NR3C2: variants seen among roughly 807,000 people sequenced by gnomAD.
NR3C2 encodes the protein mineralocorticoid receptor.
NR3C2 carries 15 observed loss-of-function variants against 86.4 expected under a neutral mutation model. That is an observed-to-expected ratio of 0.17 (90% confidence interval 0.12 to 0.27). The LOEUF (loss-of-function observed/expected upper bound fraction) is 0.27, where lower values mean the gene tolerates loss of function less well. Ranked by LOEUF, NR3C2 falls within the 10% of genes least tolerant of loss-of-function variation. NR3C2 has a pLI of 1.00. For synonymous variants in NR3C2, 458 were observed against 450.5 expected (o/e 1.02, Z -0.21); for missense variants, 960 against 1,195.6 (o/e 0.80, Z 2.91).
intron 2 of NR3C2, among the ~76,000 whole-genome samples, chr4:148,404,676 C>T (rs536694012): frequency 6.6e-6 from 1 of 151,688 alleles, no homozygotes; most frequent in Non-Finnish European, 1.5e-5. Flanking sequence ...TTTTTGGAAG[C>T]AAAATGATAA....
intron 2 of NR3C2, among the ~76,000 whole-genome samples, chr4:148,390,695 C>T (rs1747501222): frequency 6.6e-6 from 1 of 152,116 alleles, no homozygotes; most frequent in South Asian, 2.1e-4. Flanking sequence ...TGATTTGTTG[C>T]ATAAAATGAA....
At chr4:148,208,650 A>ATGTCCTAC (rs1222386820) in intron 3 of NR3C2, 1 of 152,202 alleles carries the variant, frequency 6.6e-6, no homozygotes, top group Non-Finnish European at 1.5e-5. Flanking sequence ...GACTCTCATG[A>ATGTCCTAC]TGTCCTACTC....
At chr4:148,100,276 G>A (rs1731477183) in intron 8 of NR3C2, among the ~76,000 whole-genome samples, 1 of 152,092 alleles carries the variant, frequency 6.6e-6, no homozygotes, top group South Asian at 2.1e-4. Context: ...AACAAACGAA[G>A]TGAAAACAAA....
At chr4:148,266,864 G>T (rs1019801546) in intron 2 of NR3C2, among the ~76,000 whole-genome samples, 5 of 152,198 alleles carry the variant, frequency 3.3e-5, no homozygotes, top group African/African-American at 4.8e-5. Flanking sequence ...CTAATTCAGA[G>T]AAATTTTTTT....
At chr4:148,161,650 C>A (rs921134056) in intron 4 of NR3C2, among the ~76,000 whole-genome samples, 1 of 152,148 alleles carries the variant, frequency 6.6e-6, no homozygotes, top group African/African-American at 2.4e-5. Context: ...AAGCTATCCA[C>A]AGATACCTGC....
intron 3 of NR3C2, among the ~76,000 whole-genome samples, chr4:148,216,524 C>A (rs1280930509): frequency 6.6e-6 from 1 of 152,156 alleles, no homozygotes; most frequent in Non-Finnish European, 1.5e-5. Flanking sequence ...CAGGCTCTGG[C>A]ACCCTTGCTA....
At chr4:148,224,106 T>C (rs1403005344) in intron 3 of NR3C2, among the ~76,000 whole-genome samples, 1 of 147,948 alleles carries the variant, frequency 6.8e-6, no homozygotes, top group Non-Finnish European at 1.5e-5. Flanking sequence ...GTGGGAAGAA[T>C]AGGGATCAGA....
At chr4:148,226,448 T>C (rs570623888) in intron 3 of NR3C2, among the ~76,000 whole-genome samples, 1 of 152,324 alleles carries the variant, frequency 6.6e-6, no homozygotes, top group Admixed American at 6.5e-5. Flanking sequence ...ATTCTTTTCA[T>C]TGCTGAATAG....
At chr4:148,235,569 T>C (rs1307122548) in intron 3 of NR3C2, among the ~76,000 whole-genome samples, 1 of 152,192 alleles carries the variant, frequency 6.6e-6, no homozygotes, top group Non-Finnish European at 1.5e-5. Context: ...TGAAATGTGA[T>C]TGTATTTTTT....
In NR3C2 at chr4:148,283,466, T is replaced by C. The variant is rs193000260; in HGVS notation, c.1758-23349A>G. ...CAAGAGCAATGGTGACCCCAATAAC[T>C]CTCAGTGTTTTTCCCATGGTGATCA... On this transcript the variant is annotated intron_variant, in intron 2 of 8. Coordinates refer to ENST00000358102, the MANE Select transcript of NR3C2 (RefSeq NM_000901.5). Among the ~76,000 whole-genome samples, 1,030 of 152,296 alleles carry C rather than the reference T, an allele frequency of 6.8e-3. 8 individuals carry two copies. The highest frequency in any genetic ancestry group is 0.024 in the African/African-American group (983 of 41,570).
chr4:148,316,136 C>T (rs1043798913), intron 2 of NR3C2, among the ~76,000 whole-genome samples: 1 of 151,902 alleles, frequency 6.6e-6, no homozygotes, highest in Non-Finnish European at 1.5e-5. Flanking sequence ...AAAATGCTTA[C>T]GATATGCTAA....
At chr4:148,340,202 A>G (rs2149980069) in intron 2 of NR3C2, among the ~76,000 whole-genome samples, 1 of 152,328 alleles carries the variant, frequency 6.6e-6, no homozygotes, top group Non-Finnish European at 1.5e-5. Context: ...CCGAATAGTC[A>G]AAGTAATTCT....
At chr4:148,157,831 A>G (rs138677196) in intron 4 of NR3C2, among the ~76,000 whole-genome samples, 1 of 152,366 alleles carries the variant, frequency 6.6e-6, no homozygotes, top group East Asian at 1.9e-4. Flanking sequence ...TAAAAATAAG[A>G]GTAATTTGTG....
At chr4:148,198,383 A>T (rs1736539318) in intron 3 of NR3C2, among the ~76,000 whole-genome samples, 1 of 152,188 alleles carries the variant, frequency 6.6e-6, no homozygotes, top group African/African-American at 2.4e-5. Flanking sequence ...CCTGGTCCCA[A>T]CTGAGAAAAT....
chr4:148,144,569 A>T (rs1412739001), intron 6 of NR3C2, among the ~76,000 whole-genome samples: 1 of 152,242 alleles, frequency 6.6e-6, no homozygotes, highest in African/African-American at 2.4e-5. Flanking sequence ...CTATTTTAAA[A>T]AGAAGTAGGG....
chr4:148,342,873 A>G (rs72656831), intron 2 of NR3C2, among the ~76,000 whole-genome samples: 319 of 152,298 alleles, frequency 2.1e-3, no homozygotes, highest in African/African-American at 7.4e-3. Context: ...GTTAATTGAC[A>G]TCTCTTACAG....
intron 3 of NR3C2, among the ~76,000 whole-genome samples, chr4:148,205,295 A>G (rs1193473495): frequency 6.6e-6 from 1 of 152,232 alleles, no homozygotes; most frequent in African/African-American, 2.4e-5. Context: ...ACAAATATTA[A>G]ATTAGACTAG....
intron 2 of NR3C2, among the ~76,000 whole-genome samples, chr4:148,310,224 C>T (rs1284805359): frequency 6.6e-6 from 1 of 152,192 alleles, no homozygotes; most frequent in East Asian, 1.9e-4. Flanking sequence ...ATCCTCAATT[C>T]CTCCAGCTAC....
intron 2 of NR3C2, among the ~76,000 whole-genome samples, chr4:148,411,427 G>T (rs1748697619): frequency 6.6e-6 from 1 of 152,082 alleles, no homozygotes. Context: ...ACAGACAAGG[G>T]TAATGTGTTT....
Sources: allele counts gnomAD v4.1 joint callset (sites outside exome capture counted in the v4.1 genomes callset), GRCh38; gene constraint gnomAD v4.1.1; transcripts MANE v1.5; gene names NCBI Gene and HGNC (gene_info 2026-07-23, HGNC 2026-07-21).